Variants in KLF13 observed in about 807,000 individuals in gnomAD.
The protein encoded by KLF13 is Krueppel-like factor 13.
Under a neutral mutation model 16.7 loss-of-function variants are expected in KLF13, and 8 were observed. The observed-to-expected ratio is 0.48, with a 90% CI of 0.28 to 0.87. The LOEUF (loss-of-function observed/expected upper bound fraction) is 0.87, where lower values mean the gene tolerates loss of function less well. KLF13 is among the 40% of genes least tolerant of loss of function. The pLI is 0.10. For missense variants in KLF13, 447 were observed against 452.2 expected, an observed-to-expected ratio of 0.99 and a Z score of 0.10; for synonymous variants, 245 against 208.4, an observed-to-expected ratio of 1.18 and a Z score of -1.51.
intron 1 of KLF13, among the ~76,000 whole-genome samples, chr15:31,363,689 T>A (rs2039422199): frequency 6.6e-6 from 1 of 152,106 alleles, no homozygotes; most frequent in Non-Finnish European, 1.5e-5. Context: ...TTTCACCATG[T>A]TGGCCAGGTT....
At chr15:31,398,996 G>C (rs4586393) in intron 2 of KLF13, among the ~76,000 whole-genome samples, 139,497 of 152,226 alleles carry the variant, frequency 0.92, 63,996 homozygotes, top group East Asian at 1. Context: ...CATCCTGTGT[G>C]TCCCTGGCAG....
chr15:31,392,092 C>A (rs947804896), upstream of KLF13, among the ~76,000 whole-genome samples: 10 of 152,106 alleles, frequency 6.6e-5, no homozygotes, highest in Non-Finnish European at 1.5e-4. Context: ...GTCGCGGTCT[C>A]CATCCCCCTC....
At chr15:31,342,718 C>T (rs927623339) in intron 1 of KLF13, among the ~76,000 whole-genome samples, 8 of 152,250 alleles carry the variant, frequency 5.3e-5, no homozygotes, top group Non-Finnish European at 1.2e-4. Flanking sequence ...TCTTTATTTT[C>T]TTTCTTTTTT....
intron 1 of KLF13, chr15:31,420,024 G>A (rs1293195300): frequency 3.1e-6 from 1 of 323,668 alleles, no homozygotes; most frequent in East Asian, 7.7e-5. Flanking sequence ...CTGGAAAGGA[G>A]TGAGATGTTA....
chr15:31,328,316 C>G (rs755737539), intron 1 of KLF13, among the ~76,000 whole-genome samples: 2 of 151,892 alleles, frequency 1.3e-5, no homozygotes, highest in Non-Finnish European at 2.9e-5. Flanking sequence ...CTTCGCCACT[C>G]GGCACATTCT....
At chr15:31,434,665 C>A (rs969509274) in intron 1 of KLF13, among the ~76,000 whole-genome samples, 6 of 152,298 alleles carry the variant, frequency 3.9e-5, no homozygotes, top group Non-Finnish European at 7.4e-5. Context: ...GAGCAGAAAT[C>A]AAAAACAGGT....
At chr15:31,346,604 C>A (rs1161372919) in intron 1 of KLF13, among the ~76,000 whole-genome samples, 1 of 152,266 alleles carries the variant, frequency 6.6e-6, no homozygotes, top group Non-Finnish European at 1.5e-5. Context: ...CATGAGGCGT[C>A]CCCTCCTTGC....
chr15:31,327,682 G>C lies in KLF13; in HGVS notation c.470G>C (p.Arg157Pro). The C allele has an allele frequency of 6.6e-7, 1 of 1,522,390 alleles. No homozygotes were observed. The highest frequency in any genetic ancestry group is 2.7e-5 in the East Asian group (1 of 36,504). The allele number at this position is 1,522,390 out of a possible 1,614,324, so 94.3% of individuals were successfully genotyped here. Residue 157 changes from arginine (R) to proline (P), a missense_variant, in exon 1 of 2, where the codon CGC (arginine) becomes CCC (proline). By Grantham distance (103) the Arg-to-Pro change is moderately radical. Coordinates refer to ENST00000307145, the MANE Select transcript of KLF13 (RefSeq NM_015995.4). ...CAAAGGGTCCGGCGGGGCCGAAGTC[G>C]CGCCGACCTCGAGTCCCCGCAGAGG... ...LRQRVRRGRS[R>P]ADLESPQRKH...
chr15:31,349,189 T>G (rs2039176902), intron 1 of KLF13, among the ~76,000 whole-genome samples: 1 of 152,188 alleles, frequency 6.6e-6, no homozygotes, highest in South Asian at 2.1e-4. Context: ...TCATGGCAGC[T>G]TTTTTGCCCC....
At chr15:31,390,336 T>C (rs1309212881), upstream of KLF13, among the ~76,000 whole-genome samples, 1 of 152,218 alleles carries the variant, frequency 6.6e-6, no homozygotes, top group Non-Finnish European at 1.5e-5. Flanking sequence ...CATGGGACGA[T>C]GGGTTTCTGC....
chr15:31,333,946 G>A (rs999143736), intron 1 of KLF13, among the ~76,000 whole-genome samples: 2 of 140,918 alleles, frequency 1.4e-5, no homozygotes, highest in African/African-American at 4.9e-5. Context: ...CACTTCCATC[G>A]CCTCATGGGG....
At chr15:31,341,340 G>T (rs1320187325) in intron 1 of KLF13, among the ~76,000 whole-genome samples, 1 of 152,156 alleles carries the variant, frequency 6.6e-6, no homozygotes, top group East Asian at 1.9e-4. Flanking sequence ...GTGTGTGCGT[G>T]TGTGTTCACG....
At chr15:31,330,809 G>C (rs1865872) in intron 1 of KLF13, among the ~76,000 whole-genome samples, 7,239 of 152,272 alleles carry the variant, frequency 0.048, 571 homozygotes, top group African/African-American at 0.16. Flanking sequence ...TTTGCAGCTC[G>C]TGCTACTTTA....
chr15:31,365,694 C>G (rs556891706), intron 1 of KLF13, among the ~76,000 whole-genome samples: 1 of 152,092 alleles, frequency 6.6e-6, no homozygotes. Flanking sequence ...GGAGCGTGCC[C>G]TTTGCGCAGG....
chr15:31,363,200 A>C (rs1317638349), intron 1 of KLF13, among the ~76,000 whole-genome samples: 1 of 152,248 alleles, frequency 6.6e-6, no homozygotes, highest in Non-Finnish European at 1.5e-5. Flanking sequence ...ACCAAGCTGC[A>C]TTTCAGTGTG....
chr15:31,353,782 C>A (rs2039255872), intron 1 of KLF13, among the ~76,000 whole-genome samples: 1 of 152,168 alleles, frequency 6.6e-6, no homozygotes, highest in Non-Finnish European at 1.5e-5. Flanking sequence ...AAGCCTGGGG[C>A]AGGGGGCTCT....
intron 1 of KLF13, among the ~76,000 whole-genome samples, chr15:31,366,962 CACG>C (rs1294399021): frequency 6.6e-6 from 1 of 152,228 alleles, no homozygotes; most frequent in African/African-American, 2.4e-5. Flanking sequence ...GTGACAGCAC[CACG>C]ACGACTGGAA....
chr15:31,368,400 C>T (rs1390908889), intron 1 of KLF13, among the ~76,000 whole-genome samples: 1 of 152,150 alleles, frequency 6.6e-6, no homozygotes, highest in Non-Finnish European at 1.5e-5. Flanking sequence ...CATTTTCACT[C>T]TTTAGTTGAC....
chr15:31,381,120 G>A (rs111245803), downstream of KLF13, among the ~76,000 whole-genome samples: 1,380 of 146,536 alleles, frequency 9.4e-3, 21 homozygotes, highest in African/African-American at 0.033. Context: ...TGCAGTGAGC[G>A]AAGATCGCGC....
Sources: gnomAD v4.1 joint callset for allele counts (sites outside exome capture counted in the v4.1 genomes callset) on GRCh38, gnomAD v4.1.1 for gene constraint, MANE v1.5 for transcripts, NCBI Gene and HGNC (gene_info 2026-07-23, HGNC 2026-07-21) for gene names.